Variants in INPP5A observed in about 807,000 individuals in gnomAD.
INPP5A encodes inositol polyphosphate-5-phosphatase A, also known as 43 kDa inositol polyphosphate 5-phophatase.
In INPP5A, 14 loss-of-function variants were observed where a neutral mutation model predicts 65.2. The observed-to-expected ratio is 0.21, with a 90% confidence interval of 0.14 to 0.34. The LOEUF (loss-of-function observed/expected upper bound fraction) is 0.34, where lower values mean the gene tolerates loss of function less well. Ranked by LOEUF, INPP5A falls within the 10% of genes least tolerant of loss-of-function variation. The pLI, the probability that INPP5A is intolerant of heterozygous loss-of-function variation, is 1.00. For synonymous variants in INPP5A, 207 were observed against 208.3 expected (o/e 0.99, Z 0.05); for missense variants, 431 against 545.6 (o/e 0.79, Z 2.09).
intron 12 of INPP5A, among the ~76,000 whole-genome samples, chr10:132,769,522 G>A (rs145150721): frequency 2.8e-4 from 43 of 152,300 alleles, no homozygotes; most frequent in Admixed American, 9.8e-4. Flanking sequence ...TATTTCCATC[G>A]GGTGTGACGT....
intron 1 of INPP5A, among the ~76,000 whole-genome samples, chr10:132,585,488 A>T (rs1375791120): frequency 6.6e-6 from 1 of 152,206 alleles, no homozygotes; most frequent in Non-Finnish European, 1.5e-5. Flanking sequence ...ATGGATATGT[A>T]TGTATGTATA....
At chr10:132,779,739 C>T (rs889237786) in intron 13 of INPP5A, among the ~76,000 whole-genome samples, 1 of 152,226 alleles carries the variant, frequency 6.6e-6, no homozygotes, top group Non-Finnish European at 1.5e-5. Flanking sequence ...AGACGGGCGC[C>T]GGGCGCGCTC....
rs1238530195 is a variant in INPP5A at position 132,704,667 on chromosome 10, TG to T, written c.475-3639del. Among the ~76,000 whole-genome samples the T allele has an allele frequency of 1.3e-5, 2 of 152,040 alleles. No individual in the cohort carries two copies. Among genetic ancestry groups the T allele is most frequent in the Non-Finnish European group, 2.9e-5 (2 of 67,998 alleles). ...GTGGATCCTGTGCGTGGCTGGGCCG[TG>T]GGGGGGCAGTGGCTGTTCCAGGTGG... is the stretch of plus-strand genomic sequence containing the variant. On this transcript the variant is annotated intron_variant, in intron 6 of 15. Coordinates refer to ENST00000368594, the MANE Select transcript of INPP5A (RefSeq NM_005539.5). This position sits in a 1 kb window ranked among gnomAD's most constrained non-coding sequence, Gnocchi z 4.5.
intron 1 of INPP5A, among the ~76,000 whole-genome samples, chr10:132,570,953 C>G (rs979181290): frequency 6.6e-6 from 1 of 152,264 alleles, no homozygotes; most frequent in Non-Finnish European, 1.5e-5. Context: ...CTGCCTGGCT[C>G]TCCTGGTGGG....
At position 132,749,625 on chromosome 10, in the gene INPP5A, T is replaced by C. The variant is rs765177916; in HGVS notation, c.828+13T>C. On this transcript the variant is annotated intron_variant, in intron 10 of 15. Transcript: ENST00000368594. ...CAACGACCGGAAGGTGAGCGGGGCC[T>C]GTGACTGGGCAGGTGACGCACGGGG... The C allele has an allele frequency of 6.2e-7, 1 of 1,611,588 alleles. No individual in the cohort carries two copies. Among genetic ancestry groups the C allele is most frequent in the Non-Finnish European group, 8.5e-7 (1 of 1,178,788 alleles).
intron 11 of INPP5A, among the ~76,000 whole-genome samples, chr10:132,752,395 G>A (rs943334263): frequency 6.6e-6 from 1 of 151,314 alleles, no homozygotes; most frequent in East Asian, 2.0e-4. Flanking sequence ...GTTCCCAGCC[G>A]GGGCTGCGTG....
intron 9 of INPP5A, among the ~76,000 whole-genome samples, chr10:132,737,800 T>G (rs1316618556): frequency 3.9e-5 from 6 of 152,276 alleles, no homozygotes; most frequent in African/African-American, 1.4e-4. Flanking sequence ...TTTTTAATTT[T>G]TCTGTTTAGA....
intron 4 of INPP5A, among the ~76,000 whole-genome samples, chr10:132,666,380 C>T (rs991401158): frequency 2.3e-4 from 35 of 152,106 alleles, no homozygotes; most frequent in African/African-American, 7.7e-4. Context: ...AGGGAGGTAA[C>T]GGATAAGGGC....
chr10:132,715,245 C>G (rs971536441), intron 8 of INPP5A, among the ~76,000 whole-genome samples: 2 of 152,178 alleles, frequency 1.3e-5, no homozygotes, highest in African/African-American at 4.8e-5. Flanking sequence ...CTCTTTGTCT[C>G]CCCTCTGAAA....
chr10:132,591,395 G>A (rs2071617276), intron 1 of INPP5A, among the ~76,000 whole-genome samples: 1 of 152,206 alleles, frequency 6.6e-6, no homozygotes, highest in Admixed American at 6.5e-5. Flanking sequence ...GACAGGCCAG[G>A]GCTATTTCTG....
chr10:132,559,626 T>G (rs1203142446), intron 1 of INPP5A, among the ~76,000 whole-genome samples: 3 of 152,096 alleles, frequency 2.0e-5, no homozygotes, highest in Non-Finnish European at 2.9e-5. Flanking sequence ...GCACGTGTGT[T>G]CCAGGGACCT....
intron 12 of INPP5A, among the ~76,000 whole-genome samples, chr10:132,776,810 A>G (rs1847071661): frequency 6.6e-6 from 1 of 152,004 alleles, no homozygotes. Flanking sequence ...TGCGTGTTCC[A>G]GACTCGGCGG....
At chr10:132,777,318 C>T (rs532045967) in intron 12 of INPP5A, among the ~76,000 whole-genome samples, 30 of 152,184 alleles carry the variant, frequency 2.0e-4, no homozygotes, top group Non-Finnish European at 3.2e-4. Flanking sequence ...CGTCCTGGGA[C>T]CAGATGACAC....
In INPP5A at chr10:132,707,300, A is replaced by G. The variant is rs1845551983; in HGVS notation, c.475-1013A>G. Among the ~76,000 whole-genome samples the G allele has an allele frequency of 6.6e-6, 1 of 152,070 alleles. No homozygotes were observed. Among genetic ancestry groups the G allele is most frequent in the African/African-American group, 2.4e-5 (1 of 41,394 alleles). ...GGCATATGGCTGCTGCTGGGAACGG[A>G]ATGGGCGGTGCCCTGCCCTGTTGGC... On this transcript the variant is annotated intron_variant, in intron 6 of 15. Coordinates refer to ENST00000368594, the MANE Select transcript of INPP5A (RefSeq NM_005539.5). The surrounding 1 kb of genome is among the most constrained non-coding windows in gnomAD (Gnocchi z 5.5).
rs565863538 is a variant in INPP5A at position 132,736,539 on chromosome 10, G to A, written c.732+9634G>A. ...GTCGCAAGGAGACACCCCGAGAGCC[G>A]GGCTTCCCAAAACACGGCTCTCAAT... On this transcript the variant is annotated intron_variant, in intron 9 of 15. Coordinates refer to ENST00000368594, the MANE Select transcript of INPP5A (RefSeq NM_005539.5). 2.5e-3 allele frequency among the ~76,000 whole-genome samples: 388 copies of A among 152,312 alleles called. 2 individuals carry two copies. The highest frequency in any genetic ancestry group is 8.3e-3 in the African/African-American group (347 of 41,576).
At chr10:132,708,483 C>T (rs771349526) in intron 7 of INPP5A, 118 bp downstream of exon 7, 24 of 999,708 alleles carry the variant, frequency 2.4e-5, no homozygotes, top group Admixed American at 1.5e-4. Context: ...ATGAGGACCC[C>T]CAGCTGCCTG....
chr10:132,751,891 T>C (rs1340134679), intron 11 of INPP5A, among the ~76,000 whole-genome samples: 10 of 93,954 alleles, frequency 1.1e-4, no homozygotes, highest in East Asian at 3.0e-4. Context: ...GCCTAGGAGG[T>C]GTCTGGGTGG....
At chr10:132,595,758 G>T in intron 1 of INPP5A, among the ~76,000 whole-genome samples, 1 of 152,104 alleles carries the variant, frequency 6.6e-6, no homozygotes, top group Non-Finnish European at 1.5e-5. Flanking sequence ...ATATTTTTCT[G>T]CAGTATTCTA....
At chr10:132,548,788 CTGGCTTTTTTTTTTT>C (rs2071012278) in intron 1 of INPP5A, among the ~76,000 whole-genome samples, 1 of 137,150 alleles carries the variant, frequency 7.3e-6, no homozygotes, top group South Asian at 2.4e-4. Context: ...AGCAGTTTAT[CTGGCTTTTTTTTTTT>C]TTTTTTTTTT....
Sources: allele counts gnomAD v4.1 joint callset (sites outside exome capture counted in the v4.1 genomes callset), GRCh38; gene constraint gnomAD v4.1.1; non-coding constraint Gnocchi (gnomAD v3.1); transcripts MANE v1.5; gene names NCBI Gene and HGNC (gene_info 2026-07-23, HGNC 2026-07-21).